MAP7D3: variants seen among roughly 807,000 people sequenced by gnomAD.
MAP7D3 encodes the protein MAP7 domain containing 3.
MAP7D3 carries 45 observed loss-of-function variants against 62.2 expected under a neutral mutation model. The observed-to-expected ratio is 0.72, with a 90% CI of 0.57 to 0.93. MAP7D3 has a LOEUF of 0.93. Ranked by LOEUF, MAP7D3 falls within the 40% of genes least tolerant of loss-of-function variation. The probability of loss-of-function intolerance (pLI) is 0.00; values close to 1 mark genes in which losing one functional copy is unlikely to be tolerated. For synonymous variants in MAP7D3, 288 were observed against 248.8 expected (o/e 1.16, Z -1.48); for missense variants, 711 against 683.1 (o/e 1.04, Z -0.45).
chrX:136,249,124 T>G (rs2074478615), intron 1 of MAP7D3, among the ~76,000 whole-genome samples: 1 of 111,909 alleles, frequency 8.9e-6, no homozygotes, highest in African/African-American at 3.3e-5. Flanking sequence ...AATGGCTACT[T>G]GGAAAAATAT....
At chrX:136,220,439 A>G (rs1425899830) in intron 16 of MAP7D3, among the ~76,000 whole-genome samples, 2 of 113,251 alleles carry the variant, frequency 1.8e-5, no homozygotes, top group Non-Finnish European at 3.7e-5. Context: ...ACTTTATGAG[A>G]TAACATTAAC....
chrX:136,226,115 CAA>C, intron 12 of MAP7D3, 102 bp from the exon 13 acceptor site: 1 of 533,361 alleles, frequency 1.9e-6, no homozygotes, highest in Non-Finnish European at 3.0e-6. Context: ...TCTAGTATAA[CAA>C]AAGAGTGTAA....
In MAP7D3 at chrX:136,244,727, C is replaced by T; in HGVS notation, c.322G>A (p.Glu108Lys). 8.3e-7 allele frequency: 1 copy of T among 1,203,534 alleles called. No individual in the cohort carries two copies. Among genetic ancestry groups the T allele is most frequent in the Non-Finnish European group, 1.1e-6 (1 of 888,751 alleles). Residue 108 changes from glutamate to lysine, a missense_variant, in exon 4 of 19, where the codon GAA (glutamate) becomes AAA (lysine). By Grantham distance (56) the Glu-to-Lys change is moderately conservative (BLOSUM62 1). Coordinates refer to ENST00000316077, the MANE Select transcript of MAP7D3 (RefSeq NM_024597.4). ...CGCTCCTTCAGCTTTCTCTGTCTTT[C>T]CTCCATCTGTTTTTCATATTGGAGC... is the stretch of plus-strand genomic sequence containing the variant. ...TKLQYEKQME[E>K]RQRKLKERKE...
At chrX:136,216,317 GAGTGCAAGA>G (rs1276403635), downstream of MAP7D3, among the ~76,000 whole-genome samples, 1 of 81,174 alleles carries the variant, frequency 1.2e-5, no homozygotes, top group Non-Finnish European at 2.2e-5. Flanking sequence ...TTGAGGCCAG[GAGTGCAAGA>G]CCAGCCTAGG....
rs147828975 is a variant in MAP7D3, at chrX:136,248,474, A to C, written c.71-2133T>G. On this transcript the variant is annotated intron_variant, in intron 1 of 18. Coordinates refer to ENST00000316077, the MANE Select transcript of MAP7D3 (RefSeq NM_024597.4). ...TCAACTTCATTGAATGAAAGAATTT[A>C]CTTAACATGCATTTAAATGAATGAG... 6.8e-4 allele frequency among the ~76,000 whole-genome samples: 77 copies of C among 112,554 alleles called. No individual in the cohort carries two copies. The East Asian group carries it at 0.019, about 28-fold the overall frequency.
Position 136,230,984 on chromosome X carries a change from G to T in MAP7D3, c.1414-18C>A. On this transcript the variant is annotated intron_variant, in intron 8 of 18. Transcript: ENST00000316077. ...TCTGATTTCTGAACAGATAAACACA[G>T]TATGGTAAATTACTAACAAACAATT... The T allele has an allele frequency of 9.1e-7, 1 of 1,104,215 alleles. No homozygotes were observed. The highest frequency in any genetic ancestry group is 1.2e-6 in the Non-Finnish European group (1 of 829,033). The allele number at this position is 1,104,215 out of a possible 1,213,427, so 91.0% of individuals were successfully genotyped here. A position where few individuals can be genotyped will look rare whatever the true frequency, so the allele number is the denominator to read the frequency against.
chrX:136,241,987 CA>C (rs1172166019), intron 4 of MAP7D3, among the ~76,000 whole-genome samples: 3 of 111,230 alleles, frequency 2.7e-5, no homozygotes, highest in African/African-American at 9.8e-5. Flanking sequence ...ACCATGAACT[CA>C]GGTAAGCAAA....
At chrX:136,226,824 T>C (rs2074202775) in intron 12 of MAP7D3, among the ~76,000 whole-genome samples, 1 of 112,167 alleles carries the variant, frequency 8.9e-6, no homozygotes, top group African/African-American at 3.2e-5. Context: ...TAATAGAGAC[T>C]GTAACATAAA....
rs1286576761 is a variant in MAP7D3, at chrX:136,222,608, T to TA, written c.2194-123dup. Reference sequence around the variant, plus strand: ...AATTTTTGTCATTTCAACGAAAAGGTAAAAAAATATAACCTCTTTTAACTG... The same window carrying TA: ...AATTTTTGTCATTTCAACGAAAAGGTAAAAAAAATATAACCTCTTTTAACTG... On this transcript the variant is annotated intron_variant, in intron 14 of 18. Transcript: ENST00000316077. 7.6e-5 allele frequency: 40 copies of TA among 526,986 alleles called. No individual in the cohort carries two copies. The East Asian group carries it at 8.7e-4, about 11-fold the overall frequency. 43.4% of individuals were successfully genotyped at this position (526,986 alleles called of 1,213,427 possible).
chrX:136,228,821 G>T, intron 10 of MAP7D3, 63 bp from the exon 11 acceptor site: 1 of 941,112 alleles, frequency 1.1e-6, no homozygotes. Flanking sequence ...CAACAAAGAA[G>T]TGCAACACAA....
Position 136,232,015 on chromosome X carries a change from G to C in MAP7D3, c.942C>G (p.Phe314Leu). 8.3e-7 allele frequency: 1 copy of C among 1,210,888 alleles called. No homozygotes were observed. The highest frequency in any genetic ancestry group is 1.8e-5 in the South Asian group (1 of 56,943). ...GGGACGCTTCCATGCTTGTGTTGCA[G>C]AATACTTCCACATTCACCTGGGGGG... The part of the protein sequence containing the change: ...DAPPQVNVEV[F>L]CNTSMEASPK... Residue 314 changes from phenylalanine (F) to leucine (L), a missense_variant, in exon 8 of 19, where the codon TTC (phenylalanine) becomes TTG (leucine). Transcript: ENST00000316077.
chrX:136,236,830 T>C (rs2074335761), intron 6 of MAP7D3, among the ~76,000 whole-genome samples: 1 of 111,284 alleles, frequency 9.0e-6, no homozygotes, highest in African/African-American at 3.3e-5. Flanking sequence ...ATTATCTGAG[T>C]TATACATGTA....
rs202182914 is a variant in MAP7D3, at chrX:136,240,448, C to G, written c.574G>C (p.Gly192Arg). The change falls in exon 6 of 19, where the codon GGT (glycine) becomes CGT (arginine). Residue 192 changes from glycine to arginine, a missense_variant. Coordinates refer to ENST00000316077, the MANE Select transcript of MAP7D3 (RefSeq NM_024597.4). ...ATTTGTCTGATTAAAGCAGAAGTACCCTGTTCAAGTTTTTCAGTAGATGCA... is the reference window on the plus strand; with the variant it reads ...ATTTGTCTGATTAAAGCAGAAGTACGCTGTTCAAGTTTTTCAGTAGATGCA... ...RSASTEKLEQGTSALIRQMPL... is the reference protein window; with the variant it reads ...RSASTEKLEQRTSALIRQMPL... 4.3e-5 allele frequency: 52 copies of G among 1,200,752 alleles called. No individual in the cohort carries two copies. The South Asian group carries it at 8.1e-4, about 19-fold the overall frequency.
chrX:136,251,433 G>A (rs949651294), upstream of MAP7D3: 13 of 903,545 alleles, frequency 1.4e-5, no homozygotes, highest in East Asian at 1.0e-4. Flanking sequence ...CGCTTGGGTC[G>A]TGGCCGGGCT....
upstream of MAP7D3, chrX:136,251,421 T>A (rs1351764159): frequency 1.7e-4 from 137 of 829,243 alleles, no homozygotes; most frequent in Middle Eastern, 1.8e-3. Context: ...CGGCGCGGCC[T>A]CCGCTTGGGT....
intron 1 of MAP7D3, among the ~76,000 whole-genome samples, chrX:136,248,541 T>C (rs2074472937): frequency 8.9e-6 from 1 of 112,418 alleles, no homozygotes; most frequent in South Asian, 3.7e-4. Flanking sequence ...AGCAAGGTAT[T>C]TCTGTAGTCC....
In MAP7D3 at chrX:136,231,818, A is replaced by C; in HGVS notation, c.1139T>G (p.Val380Gly). Residue 380 changes from valine (V) to glycine (G), a missense_variant, in exon 8 of 19, where the codon GTG becomes GGG. Coordinates refer to ENST00000316077, the MANE Select transcript of MAP7D3 (RefSeq NM_024597.4). ...CGCCTCCGGGGATGCTACTATGCTCACCTTGGGAACTGTTTCCAGGTCCAC... is the reference window on the plus strand; with the variant it reads ...CGCCTCCGGGGATGCTACTATGCTCCCCTTGGGAACTGTTTCCAGGTCCAC... The part of the protein sequence containing the change: ...PKVDLETVPK[V>G]SIVASPEASL... The C allele has an allele frequency of 8.3e-7, 1 of 1,210,774 alleles. No homozygotes were observed. Among genetic ancestry groups the C allele is most frequent in the Non-Finnish European group, 1.1e-6 (1 of 895,245 alleles).
chrX:136,214,684 A>G (rs2074050463), downstream of MAP7D3: 1 of 112,080 alleles, frequency 8.9e-6, no homozygotes, highest in Non-Finnish European at 1.9e-5. Context: ...GGTATTTCAC[A>G]CTGCATTCTT....
At chrX:136,227,658 T>C (rs1603278341) in intron 11 of MAP7D3, among the ~76,000 whole-genome samples, 3 of 110,218 alleles carry the variant, frequency 2.7e-5, no homozygotes, top group Non-Finnish European at 3.8e-5. Context: ...AATCAAGTAA[T>C]AGATTACTTT....
Sources: allele counts gnomAD v4.1 joint callset (sites outside exome capture counted in the v4.1 genomes callset), GRCh38; gene constraint gnomAD v4.1.1; transcripts MANE v1.5; gene names NCBI Gene and HGNC (gene_info 2026-07-23, HGNC 2026-07-21).